ADGRL3: variants seen among roughly 807,000 people sequenced by gnomAD.
ADGRL3 encodes the protein calcium-independent alpha-latrotoxin receptor 3.
In ADGRL3, 62 loss-of-function variants were observed where a neutral mutation model predicts 153.5. The observed-to-expected ratio is 0.40, with a 90% CI of 0.33 to 0.50. ADGRL3 has a LOEUF of 0.50. Among genes scored for constraint, ADGRL3 ranks in the 20% least tolerant of loss-of-function variants. The pLI, the probability that ADGRL3 is intolerant of heterozygous loss-of-function variation, is 0.47. For synonymous variants in ADGRL3, 710 were observed against 672.5 expected (o/e 1.06, Z -0.86); for missense variants, 1,641 against 1,859.4 (o/e 0.88, Z 2.16).
intron 3 of ADGRL3, among the ~76,000 whole-genome samples, chr4:61,517,033 T>C (rs1015675332): frequency 1.3e-5 from 2 of 151,856 alleles, no homozygotes; most frequent in Non-Finnish European, 2.9e-5. Context: ...GTGCTTTCAA[T>C]AATTATGTCT....
Position 61,904,761 on chromosome 4 carries a change from T to G in ADGRL3, c.1888-4799T>G, listed in dbSNP as rs565378711. ...TTCTCTATTTGATGACTAATTTTGC[T>G]ATTCATAATGATCATCGATAGATGT... On this transcript the variant is annotated intron_variant, in intron 11 of 26. Transcript: ENST00000683033. Among the ~76,000 whole-genome samples the G allele has an allele frequency of 7.9e-5, 12 of 152,334 alleles. 1 individual carries two copies. In the South Asian group the frequency reaches 1.4e-3, roughly 18 times the overall value.
chr4:61,870,838 C>G (rs946981705), intron 9 of ADGRL3, among the ~76,000 whole-genome samples: 2 of 152,112 alleles, frequency 1.3e-5, no homozygotes, highest in Non-Finnish European at 2.9e-5. Context: ...TTACACACAG[C>G]TGGTGGGATT....
intron 17 of ADGRL3, among the ~76,000 whole-genome samples, chr4:61,962,507 T>C (rs2098991717): frequency 6.6e-6 from 1 of 152,186 alleles, no homozygotes; most frequent in South Asian, 2.1e-4. Flanking sequence ...CTGCCTGTTT[T>C]TGTCTTTCAT....
At chr4:61,849,547 G>T (rs1209648937) in intron 9 of ADGRL3, among the ~76,000 whole-genome samples, 1 of 151,958 alleles carries the variant, frequency 6.6e-6, no homozygotes, top group Non-Finnish European at 1.5e-5. Flanking sequence ...GCCCAAGCAG[G>T]CGTATCTTGA....
At chr4:61,655,200 C>A (rs917707483) in intron 5 of ADGRL3, among the ~76,000 whole-genome samples, 1 of 151,982 alleles carries the variant, frequency 6.6e-6, no homozygotes, top group Non-Finnish European at 1.5e-5. Flanking sequence ...ATCTACACTA[C>A]GTAGATGAGT....
intron 1 of ADGRL3, among the ~76,000 whole-genome samples, chr4:61,322,407 G>C (rs1255885389): frequency 6.6e-6 from 1 of 152,112 alleles, no homozygotes; most frequent in Admixed American, 6.5e-5. Context: ...GTCACCTAAA[G>C]TCTCAACTAA....
chr4:61,540,054 T>A (rs541676326), intron 4 of ADGRL3, among the ~76,000 whole-genome samples: 9 of 152,178 alleles, frequency 5.9e-5, no homozygotes, highest in African/African-American at 2.2e-4. Context: ...TAATGCCAGG[T>A]ACATTTTTCA....
intron 12 of ADGRL3, among the ~76,000 whole-genome samples, chr4:61,910,339 T>G (rs2098716419): frequency 6.6e-6 from 1 of 151,910 alleles, no homozygotes; most frequent in South Asian, 2.1e-4. Context: ...TGTTAAAAGC[T>G]TAAATATATT....
intron 8 of ADGRL3, among the ~76,000 whole-genome samples, chr4:61,757,619 C>T (rs1454236676): frequency 1.3e-5 from 2 of 151,986 alleles, no homozygotes; most frequent in Non-Finnish European, 2.9e-5. Context: ...TCTCTATTTC[C>T]TTCAGTTCTG....
chr4:61,703,712 G>C (rs568946171), intron 6 of ADGRL3, among the ~76,000 whole-genome samples: 1 of 151,992 alleles, frequency 6.6e-6, no homozygotes, highest in African/African-American at 2.4e-5. Flanking sequence ...GACAGAGGGG[G>C]GCAGATGAAA....
chr4:61,432,573 C>CTTTCTTTCTTTTT lies in ADGRL3; in HGVS notation c.-174+49384_-174+49385insTTTCTTTCTTTTT, dbSNP rs1560622534. Among the ~76,000 whole-genome samples, 80 of 35,874 alleles carry CTTTCTTTCTTTTT rather than the reference C, an allele frequency of 2.2e-3. 2 individuals are homozygous for CTTTCTTTCTTTTT. Among genetic ancestry groups the CTTTCTTTCTTTTT allele is most frequent in the Admixed American group, 5.6e-3 (17 of 3,030 alleles). 23.5% of individuals were successfully genotyped at this position (35,874 alleles called of 152,430 possible). A position where few individuals can be genotyped will look rare whatever the true frequency, so the allele number is the denominator to read the frequency against. On this transcript the variant is annotated intron_variant, in intron 2 of 26. Coordinates refer to ENST00000683033, the MANE Select transcript of ADGRL3 (RefSeq NM_001387552.1). ...TTTATAGATTTCTTTTCTTTCTCTT[C>CTTTCTTTCTTTTT]CTTTCTTTCTTTCTTTCTTTCTTTC... is the stretch of plus-strand genomic sequence containing the variant.
chr4:61,932,443 T>C (rs1003476447), intron 13 of ADGRL3, among the ~76,000 whole-genome samples: 1 of 152,222 alleles, frequency 6.6e-6, no homozygotes, highest in Admixed American at 6.5e-5. Flanking sequence ...AATCATGTGA[T>C]ATCCTTTATT....
Position 62,044,485 on chromosome 4 carries a change from T to A in ADGRL3, c.3750T>A (p.Val1250=). The A allele has an allele frequency of 6.3e-7, 1 of 1,597,556 alleles. No homozygotes were observed. Among genetic ancestry groups the A allele is most frequent in the Non-Finnish European group, 8.5e-7 (1 of 1,171,572 alleles). Reference sequence around the variant, plus strand: ...TCCGTAGAATGTGGAATGACACGGTTCGAAAGCAGTCAGAGTCTTCCTTTA... The same window carrying A: ...TCCGTAGAATGTGGAATGACACGGTACGAAAGCAGTCAGAGTCTTCCTTTA... ...SRIRRMWNDT[V]RKQSESSFIT... The change falls in exon 25 of 27, where the codon GTT becomes GTA. Residue 1250 remains valine (V), a synonymous_variant. Transcript: ENST00000683033.
intron 1 of ADGRL3, among the ~76,000 whole-genome samples, chr4:61,270,158 T>C (rs1407853408): frequency 5.3e-5 from 8 of 151,580 alleles, no homozygotes; most frequent in Non-Finnish European, 1.2e-4. Context: ...CTGTGGGACA[T>C]GCAAAAAGGA....
At chr4:61,985,816 A>G (rs1338518486) in intron 19 of ADGRL3, among the ~76,000 whole-genome samples, 2 of 151,806 alleles carry the variant, frequency 1.3e-5, no homozygotes, top group Non-Finnish European at 2.9e-5. Flanking sequence ...GCCAATAACT[A>G]TTATTTTTTA....
intron 6 of ADGRL3, among the ~76,000 whole-genome samples, chr4:61,680,318 G>T (rs1330599049): frequency 7.6e-6 from 1 of 132,046 alleles, no homozygotes; most frequent in East Asian, 2.4e-4. Context: ...AAACTTTAGT[G>T]CTTGTAGTAA....
At chr4:61,207,447 A>G (rs1217383721) in intron 1 of ADGRL3, among the ~76,000 whole-genome samples, 1 of 152,154 alleles carries the variant, frequency 6.6e-6, no homozygotes, top group African/African-American at 2.4e-5. Flanking sequence ...CCAGTCTATC[A>G]TTGATTGGCA....
chr4:61,398,959 C>A (rs1004747312), intron 2 of ADGRL3, among the ~76,000 whole-genome samples: 1 of 151,592 alleles, frequency 6.6e-6, no homozygotes, highest in Admixed American at 6.6e-5. Flanking sequence ...TGTGCTTTTT[C>A]TTCCATCATT....
chr4:61,365,975 C>T (rs2096387955), intron 1 of ADGRL3, among the ~76,000 whole-genome samples: 1 of 152,032 alleles, frequency 6.6e-6, no homozygotes, highest in Admixed American at 6.6e-5. Flanking sequence ...CATTGTTTCT[C>T]AACAAGTTAT....
Sources: allele counts gnomAD v4.1 joint callset (sites outside exome capture counted in the v4.1 genomes callset), GRCh38; gene constraint gnomAD v4.1.1; transcripts MANE v1.5; gene names NCBI Gene and HGNC (gene_info 2026-07-23, HGNC 2026-07-21).